CFLAR: variants seen among roughly 807,000 people sequenced by gnomAD.
CFLAR encodes CASP8 and FADD like apoptosis regulator, also known as CASP8 and FADD-like apoptosis regulator.
A neutral mutation model predicts 51.1 loss-of-function variants in CFLAR; 14 were observed. The observed-to-expected ratio is 0.27, with a 90% CI of 0.18 to 0.43. The LOEUF is 0.43. Among genes scored for constraint, CFLAR ranks in the 20% least tolerant of loss-of-function variants. The pLI, the probability that CFLAR is intolerant of heterozygous loss-of-function variation, is 1.00. For synonymous variants in CFLAR, 210 were observed against 211.6 expected (o/e 0.99, Z 0.06); for missense variants, 390 against 566.5 (o/e 0.69, Z 3.16).
Position 201,138,852 on chromosome 2 carries a change from G to C in CFLAR, c.524-1505G>C. 1 of 729,590 alleles carries C rather than the reference G, an allele frequency of 1.4e-6. No individual in the cohort carries two copies. Among genetic ancestry groups the C allele is most frequent in the Non-Finnish European group, 2.5e-6 (1 of 394,126 alleles). The allele number at this position is 729,590 out of a possible 1,614,324, so 45.2% of individuals were successfully genotyped here. On this transcript the variant is annotated intron_variant, in intron 4 of 9. Coordinates refer to ENST00000309955, the MANE Select transcript of CFLAR (RefSeq NM_003879.7). This position sits in a 1 kb window ranked among gnomAD's most constrained non-coding sequence, Gnocchi z 4.0. ...GTCGGCCTCTGTCACAGTGTCCATG[G>C]GGGAGGAGATCAGCGGCGTCTTCAG...
chr2:201,145,471 G>A, intron 6 of CFLAR, 39 bp downstream of exon 6: 1 of 1,292,028 alleles, frequency 7.7e-7, no homozygotes, highest in East Asian at 2.3e-5. Flanking sequence ...ATTTATAAAT[G>A]CTTGATAATT....
chr2:201,161,013 C>G (rs1402839599), intron 9 of CFLAR, 71 bp downstream of exon 9: 1 of 1,081,520 alleles, frequency 9.2e-7, no homozygotes, highest in Non-Finnish European at 1.4e-6. Flanking sequence ...GGAATTACCA[C>G]TGTGCCACAT....
chr2:201,130,281 A>G, intron 2 of CFLAR, 135 bp downstream of exon 2: 2 of 606,598 alleles, frequency 3.3e-6, no homozygotes, highest in Non-Finnish European at 5.1e-6. Context: ...CAACTGCCAG[A>G]TGATGTCACT....
At chr2:201,132,218 G>A (rs1280915543) in intron 2 of CFLAR, among the ~76,000 whole-genome samples, 4 of 151,966 alleles carry the variant, frequency 2.6e-5, no homozygotes, top group Admixed American at 2.0e-4. Context: ...TTATTCATCT[G>A]GTGAGTGGGC....
chr2:201,166,559 CG>C lies in CFLAR; in HGVS notation c.*2590del. The stretch of plus-strand genomic sequence containing the variant: ...GAGACGCTCCTCACTTCATCCCAGA[CG>C]GGGTGGCGGCCGGGCAGAAGCTGTA... On this transcript the variant is annotated 3_prime_UTR_variant, in exon 10 of 10. Coordinates refer to ENST00000309955, the MANE Select transcript of CFLAR (RefSeq NM_003879.7). The C allele has an allele frequency of 5.4e-6, 1 of 185,016 alleles. No individual in the cohort carries two copies. The highest frequency in any genetic ancestry group is 1.1e-5 in the Non-Finnish European group (1 of 88,556). The allele number at this position is 185,016 out of a possible 1,614,324, so 11.5% of individuals were successfully genotyped here.
intron 1 of CFLAR, among the ~76,000 whole-genome samples, chr2:201,125,397 T>G (rs978638809): frequency 6.6e-6 from 1 of 152,106 alleles, no homozygotes; most frequent in Non-Finnish European, 1.5e-5. Context: ...CAGGCTTTTT[T>G]GAGGGTTTGG....
In CFLAR at chr2:201,165,241, C is replaced by A. The variant is rs1943418675; in HGVS notation, c.*1268C>A. 7.1e-6 allele frequency: 1 copy of A among 140,878 alleles called. No homozygotes were observed. The highest frequency in any genetic ancestry group is 2.6e-5 in the African/African-American group (1 of 37,832). The allele number at this position is 140,878 out of a possible 1,614,324, so 8.7% of individuals were successfully genotyped here. ...ATTGTTTGAAATATCATTAGAGTTGCTTATTATTATTATTATTATTATTAT... is the reference window on the plus strand; with the variant it reads ...ATTGTTTGAAATATCATTAGAGTTGATTATTATTATTATTATTATTATTAT... On this transcript the variant is annotated 3_prime_UTR_variant, in exon 10 of 10. Transcript: ENST00000309955.
intron 9 of CFLAR, 23 bp downstream of exon 9, chr2:201,160,965 G>T: frequency 1.3e-6 from 2 of 1,565,796 alleles, no homozygotes; most frequent in Non-Finnish European, 1.7e-6. Flanking sequence ...GAGGTGGTCA[G>T]TTCCGGACCA....
chr2:201,163,839 C>T lies in CFLAR; in HGVS notation c.1309C>T (p.Arg437Cys), dbSNP rs764744588. 7.5e-6 allele frequency: 12 copies of T among 1,601,940 alleles called. No homozygotes were observed. The highest frequency in any genetic ancestry group is 7.1e-5 in the Admixed American group (4 of 56,324). The change falls in exon 10 of 10, where the codon CGC becomes TGC. Residue 437 changes from arginine to cysteine, a missense_variant. Arg to Cys is a radical substitution (Grantham distance 180, BLOSUM62 -3). Transcript: ENST00000309955. ...LSQKLRQERK[R>C]PLLDLHIELN... ...TGCCTTTCTTGTTTTCTCCAGAAAA[C>T]GCCCACTCCTGGATCTTCACATTGA... is the stretch of plus-strand genomic sequence containing the variant.
chr2:201,157,938 A>G (rs1320237300), intron 8 of CFLAR: 1 of 152,226 alleles, frequency 6.6e-6, no homozygotes, highest in Non-Finnish European at 1.5e-5. Flanking sequence ...CTCCCTTGCC[A>G]CAGGATATTT....
Position 201,124,544 on chromosome 2 carries a change from A to AG in CFLAR, c.-137-5183dup, listed in dbSNP as rs901393892. ...GAGACAGGGTTTTGCCATGTTGGCC[A>AG]GGCTGGTCTTGAACTCCTTGCCTCA... On this transcript the variant is annotated intron_variant, in intron 1 of 9. Transcript: ENST00000309955. The surrounding 1 kb of genome is among the most constrained non-coding windows in gnomAD (Gnocchi z 4.7). Among the ~76,000 whole-genome samples the AG allele has an allele frequency of 6.6e-6, 1 of 152,184 alleles. No individual in the cohort carries two copies. The highest frequency in any genetic ancestry group is 2.4e-5 in the African/African-American group (1 of 41,422).
intron 9 of CFLAR, chr2:201,163,082 A>G (rs761643829): frequency 2.5e-5 from 19 of 751,906 alleles, no homozygotes; most frequent in Non-Finnish European, 3.9e-5. Flanking sequence ...GTCCTATAGG[A>G]TGGTCATATC....
chr2:201,149,437 C>A, intron 7 of CFLAR: 1 of 304,662 alleles, frequency 3.3e-6, no homozygotes, highest in Non-Finnish European at 6.2e-6. Flanking sequence ...TATATAACTT[C>A]AGGTTACTGT....
At chr2:201,155,259 A>T (rs1285314559) in intron 8 of CFLAR, among the ~76,000 whole-genome samples, 3 of 151,916 alleles carry the variant, frequency 2.0e-5, no homozygotes, top group African/African-American at 7.3e-5. Flanking sequence ...GCAGATTTTA[A>T]GAGGAAGTTT....
At chr2:201,162,816 C>T in intron 9 of CFLAR, 1 of 510,866 alleles carries the variant, frequency 2.0e-6, no homozygotes, top group Non-Finnish European at 3.6e-6. Context: ...AACATTTTTG[C>T]ATGTCAGTAG....
intron 1 of CFLAR, among the ~76,000 whole-genome samples, chr2:201,125,126 A>G (rs1456510574): frequency 6.6e-6 from 1 of 152,242 alleles, no homozygotes; most frequent in African/African-American, 2.4e-5. Context: ...CAAAAAATCT[A>G]TGATGAACAA....
Position 201,130,688 on chromosome 2 carries a change from T to C in CFLAR, c.281+542T>C, listed in dbSNP as rs189460585. ...GCTGAAACATGCTTTCTCAAAGGAA[T>C]TGGGATCATATGCAGGTAGAAGGGC... On this transcript the variant is annotated intron_variant, in intron 2 of 9. Coordinates refer to ENST00000309955, the MANE Select transcript of CFLAR (RefSeq NM_003879.7). 7.2e-5 allele frequency among the ~76,000 whole-genome samples: 11 copies of C among 152,150 alleles called. No individual in the cohort carries two copies. In the East Asian group the frequency reaches 2.1e-3, roughly 29 times the overall value.
At chr2:201,144,229 C>G (rs1225729698) in intron 5 of CFLAR, 1 of 152,212 alleles carries the variant, frequency 6.6e-6, no homozygotes, top group Non-Finnish European at 1.5e-5. Context: ...CAGAGAAGAA[C>G]TGTCATTTGA....
At position 201,136,040 on chromosome 2, in the gene CFLAR, A is replaced by G. The variant is rs752712939; in HGVS notation, c.456A>G (p.Leu152=). 1.2e-6 allele frequency: 2 copies of G among 1,614,166 alleles called. No homozygotes were observed. The highest frequency in any genetic ancestry group is 1.7e-6 in the Non-Finnish European group (2 of 1,180,046). The change falls in exon 4 of 10, where the codon TTA becomes TTG. Residue 152 remains leucine (L), a synonymous_variant. Transcript: ENST00000309955. Reference sequence around the variant, plus strand: ...TTGCCCCAGATCAACTGGATTTATTAGAAAAATGCCTAAAGAACATCCACA... The same window carrying G: ...TTGCCCCAGATCAACTGGATTTATTGGAAAAATGCCTAAAGAACATCCACA... ...NLVAPDQLDL[L]EKCLKNIHRI...
Sources: allele counts gnomAD v4.1 joint callset (sites outside exome capture counted in the v4.1 genomes callset), GRCh38; gene constraint gnomAD v4.1.1; non-coding constraint Gnocchi (gnomAD v3.1); transcripts MANE v1.5; gene names NCBI Gene and HGNC (gene_info 2026-07-23, HGNC 2026-07-21).